Variants in SH3GL1 observed in about 807,000 individuals in gnomAD.
SH3GL1 encodes endophilin-A2.
A neutral mutation model predicts 48.8 loss-of-function variants in SH3GL1; 21 were observed. The ratio of observed to expected loss-of-function variants is 0.43; its 90% CI spans 0.30 to 0.62. The LOEUF (loss-of-function observed/expected upper bound fraction) is 0.62. Ranked by LOEUF, SH3GL1 falls within the 20% of genes least tolerant of loss-of-function variation. The pLI, the probability that SH3GL1 is intolerant of heterozygous loss-of-function variation, is 0.11. For synonymous variants in SH3GL1, 282 were observed against 217.5 expected (o/e 1.30, Z -2.61); for missense variants, 454 against 503.0 (o/e 0.90, Z 0.93).
At chr19:4,364,468 T>G (rs923972781) in intron 4 of SH3GL1, 3 of 512,684 alleles carry the variant, frequency 5.9e-6, no homozygotes, top group Non-Finnish European at 7.1e-6. Flanking sequence ...AGTCTCGCTG[T>G]TGCCCAGGCT....
In SH3GL1 at chr19:4,364,154, G is replaced by A. The variant is rs368838505; in HGVS notation, c.399C>T (p.Ile133=). ...GGTCAATGAAGTTCTGCTTGACCTCGATGTCCAGGGAGTCCTTCACCTCTG... is the reference window on the plus strand; with the variant it reads ...GGTCAATGAAGTTCTGCTTGACCTCAATGTCCAGGGAGTCCTTCACCTCTG... The part of the protein sequence containing the change: ...RLAEVKDSLD[I]EVKQNFIDPL... The change falls in exon 5 of 10, where the codon ATC becomes ATT. Residue 133 remains isoleucine (I), a synonymous_variant. Transcript: ENST00000269886. 47 of 1,613,826 alleles carry A rather than the reference G, an allele frequency of 2.9e-5. No individual in the cohort carries two copies. Among genetic ancestry groups the A allele is most frequent in the Non-Finnish European group, 3.3e-5 (39 of 1,180,002 alleles).
At chr19:4,378,848 C>A (rs1771010830) in intron 1 of SH3GL1, among the ~76,000 whole-genome samples, 1 of 152,228 alleles carries the variant, frequency 6.6e-6, no homozygotes, top group Admixed American at 6.5e-5. Flanking sequence ...CACGACACTG[C>A]CTCTGAGCCC....
At chr19:4,396,928 G>GT (rs1286822674) in intron 1 of SH3GL1, among the ~76,000 whole-genome samples, 1 of 152,134 alleles carries the variant, frequency 6.6e-6, no homozygotes, top group Admixed American at 6.5e-5. Flanking sequence ...AAGGGGGAAT[G>GT]TTTTTTACCC....
chr19:4,366,786 C>A (rs185019750), intron 2 of SH3GL1, 140 bp downstream of exon 2: 5 of 966,624 alleles, frequency 5.2e-6, no homozygotes. Flanking sequence ...GAGGCCCCCA[C>A]ACCACCCCAT....
At chr19:4,385,228 G>A (rs1388456001) in intron 1 of SH3GL1, among the ~76,000 whole-genome samples, 2 of 152,162 alleles carry the variant, frequency 1.3e-5, no homozygotes, top group African/African-American at 4.8e-5. Flanking sequence ...GTGAAGGCAC[G>A]CCGGCCCTGC....
chr19:4,383,867 C>G (rs2144906331), intron 1 of SH3GL1, among the ~76,000 whole-genome samples: 1 of 152,310 alleles, frequency 6.6e-6, no homozygotes, highest in Admixed American at 6.5e-5. Context: ...GCAGAGTGAT[C>G]CACGCCAGAA....
Position 4,361,710 on chromosome 19 carries a change from T to C in SH3GL1, c.997A>G (p.Ile333Val). The change falls in exon 10 of 10, where the codon ATC becomes GTC. Residue 333 changes from isoleucine (I) to valine (V), a missense_variant. Around this residue, in one of 2 missense-constraint regions of SH3GL1, gnomAD observed 278 missense variants for 246.8 expected, o/e 1.13. Coordinates refer to ENST00000269886, the MANE Select transcript of SH3GL1 (RefSeq NM_003025.4). Reference sequence around the variant, plus strand: ...TCATCGATCTGGTTGGTCAGCGTGATGACGTCGCCCTCATGGAAGCCCAGC... The same window carrying C: ...TCATCGATCTGGTTGGTCAGCGTGACGACGTCGCCCTCATGGAAGCCCAGC... Reference protein sequence around the residue: ...GELGFHEGDVITLTNQIDENW... With the variant: ...GELGFHEGDVVTLTNQIDENW... 1.2e-6 allele frequency: 2 copies of C among 1,613,368 alleles called. No individual in the cohort carries two copies. Among genetic ancestry groups the C allele is most frequent in the Non-Finnish European group, 1.7e-6 (2 of 1,179,860 alleles).
At chr19:4,364,909 TA>T (rs1555740012) in intron 4 of SH3GL1, among the ~76,000 whole-genome samples, 76 of 137,556 alleles carry the variant, frequency 5.5e-4, no homozygotes, top group Admixed American at 9.6e-4. Flanking sequence ...TATATATATA[TA>T]TATATATTTT....
chr19:4,379,376 A>G (rs1470525594), intron 1 of SH3GL1, among the ~76,000 whole-genome samples: 1 of 151,722 alleles, frequency 6.6e-6, no homozygotes, highest in Non-Finnish European at 1.5e-5. Flanking sequence ...CTGTGAGCCA[A>G]GATCACACCA....
intron 1 of SH3GL1, among the ~76,000 whole-genome samples, chr19:4,394,018 T>A (rs1392442932): frequency 6.7e-6 from 1 of 148,384 alleles, no homozygotes; most frequent in African/African-American, 2.5e-5. Context: ...CTAAGGAGCA[T>A]CAGGCAGATT....
rs1972861232 is a variant in SH3GL1 at position 4,369,904 on chromosome 19, A to G, written c.46-2910T>C. On this transcript the variant is annotated intron_variant, in intron 1 of 9. Coordinates refer to ENST00000269886, the MANE Select transcript of SH3GL1 (RefSeq NM_003025.4). ...GGGCTAGAAACCAGCACAGATGGAC[A>G]CAGGGATGAGCAGCCACAAGGGAAA... Among the ~76,000 whole-genome samples, 4 of 152,376 alleles carry G rather than the reference A, an allele frequency of 2.6e-5. No individual in the cohort carries two copies. The South Asian group carries it at 6.2e-4, about 24-fold the overall frequency.
intron 1 of SH3GL1, among the ~76,000 whole-genome samples, chr19:4,397,858 A>AT (rs1973452490): frequency 1.3e-5 from 2 of 151,966 alleles, no homozygotes; most frequent in African/African-American, 4.8e-5. Flanking sequence ...TTTTTTATTT[A>AT]TTTTTTGAGA....
chr19:4,362,996 C>T (rs1415701408), intron 7 of SH3GL1, among the ~76,000 whole-genome samples: 1 of 152,150 alleles, frequency 6.6e-6, no homozygotes, highest in Non-Finnish European at 1.5e-5. Context: ...ACAACACCCC[C>T]AGTCGCATCC....
At chr19:4,399,282 T>C (rs1973477158) in intron 1 of SH3GL1, among the ~76,000 whole-genome samples, 2 of 123,842 alleles carry the variant, frequency 1.6e-5, no homozygotes, top group Admixed American at 1.1e-4. Flanking sequence ...ATTGCACCAC[T>C]GCCCTCCAGC....
At chr19:4,386,071 T>C (rs1973229345) in intron 1 of SH3GL1, among the ~76,000 whole-genome samples, 1 of 152,146 alleles carries the variant, frequency 6.6e-6, no homozygotes, top group South Asian at 2.1e-4. Context: ...CCAGGGTGGG[T>C]GAAGGTTGGG....
At chr19:4,399,136 A>G (rs1341294101) in intron 1 of SH3GL1, among the ~76,000 whole-genome samples, 1 of 152,064 alleles carries the variant, frequency 6.6e-6, no homozygotes, top group Non-Finnish European at 1.5e-5. Flanking sequence ...CCTGGGGCAC[A>G]TGGAGAAACC....
rs1972696914 is a variant in SH3GL1, at chr19:4,363,859, T to A, written c.485A>T (p.Glu162Val). 6.2e-7 allele frequency: 1 copy of A among 1,612,456 alleles called. No homozygotes were observed. The part of the protein sequence containing the change: ...KEIQHHLKKL[E>V]GRRLDFDYKK... ...GTAGTCAAAGTCCAGGCGGCGGCCC[T>A]CCAGTTTCTTCAGGTGGTGCTGGAG... Residue 162 changes from glutamate (E) to valine (V), a missense_variant, in exon 6 of 10, where the codon GAG (glutamate) becomes GTG (valine). Physicochemically the swap from Glu to Val is moderately radical, Grantham distance 121 (BLOSUM62 -2). Coordinates refer to ENST00000269886, the MANE Select transcript of SH3GL1 (RefSeq NM_003025.4).
In SH3GL1 at chr19:4,364,105, C is replaced by T; in HGVS notation, c.448G>A (p.Asp150Asn). 6.2e-7 allele frequency: 1 copy of T among 1,613,122 alleles called. No homozygotes were observed. ...AGCAGCACCTGGATCTCCTTCAGGT[C>T]TTTCTCGCACAGGTTCTGGAGGGGG... is the stretch of plus-strand genomic sequence containing the variant. ...IDPLQNLCEK[D>N]LKEIQHHLKK... The change falls in exon 5 of 10, where the codon GAC (aspartate) becomes AAC (asparagine). Residue 150 changes from aspartate (D) to asparagine (N), a missense_variant. Asp to Asn is a conservative substitution (Grantham distance 23). Transcript: ENST00000269886.
At chr19:4,386,620 G>A (rs558360243) in intron 1 of SH3GL1, among the ~76,000 whole-genome samples, 25 of 149,930 alleles carry the variant, frequency 1.7e-4, no homozygotes, top group Middle Eastern at 3.5e-3. Context: ...TTACAGGCAC[G>A]AGCCACCGTG....
Sources: gnomAD v4.1 joint callset for allele counts (sites outside exome capture counted in the v4.1 genomes callset) on GRCh38, gnomAD v4.1.1 for gene constraint, gnomAD v4.1.1 regional missense constraint, MANE v1.5 for transcripts, NCBI Gene and HGNC (gene_info 2026-07-23, HGNC 2026-07-21) for gene names.